Variants in CEP70 observed in about 807,000 individuals in gnomAD.
CEP70 encodes the protein centrosomal protein of 70 kDa.
A neutral mutation model predicts 90.9 loss-of-function variants in CEP70; 70 were observed. That is an observed-to-expected ratio of 0.77 (90% CI 0.64 to 0.94). The LOEUF is 0.94. Among genes scored for constraint, CEP70 ranks in the 40% least tolerant of loss-of-function variants. The pLI is 0.00. For synonymous variants in CEP70, 220 were observed against 228.3 expected, an observed-to-expected ratio of 0.96 and a Z score of 0.33; for missense variants, 648 against 669.0, an observed-to-expected ratio of 0.97 and a Z score of 0.35.
intron 2 of CEP70, among the ~76,000 whole-genome samples, chr3:138,585,061 C>T (rs1206863452): frequency 6.6e-6 from 1 of 151,888 alleles, no homozygotes; most frequent in Non-Finnish European, 1.5e-5. Context: ...AGCAGTTAGA[C>T]ATGAGAAAGG....
chr3:138,550,982 G>C, intron 6 of CEP70, among the ~76,000 whole-genome samples: 1 of 152,170 alleles, frequency 6.6e-6, no homozygotes. Flanking sequence ...CCCCAGCCTT[G>C]CTAAAGACCT....
chr3:138,549,825 CTTCCACCAGAGCAGGTGCTGGTAT>C (rs1391585086), intron 6 of CEP70, among the ~76,000 whole-genome samples: 3 of 152,176 alleles, frequency 2.0e-5, no homozygotes, highest in African/African-American at 7.2e-5. Context: ...TCCCATGCCA[CTTCCACCAGAGCAGGTGCTGGTAT>C]CCACTGCTGA....
Position 138,571,332 on chromosome 3 carries a change from T to C in CEP70, c.94A>G (p.Ile32Val), listed in dbSNP as rs759501015. The change falls in exon 4 of 18, where the codon ATA (isoleucine) becomes GTA (valine). Residue 32 changes from isoleucine (I) to valine (V), a missense_variant. By Grantham distance (29) the Ile-to-Val change is conservative (BLOSUM62 3). Transcript: ENST00000264982. Reference protein sequence around the residue: ...KQQEEAEWESINVLLMMHGLK... With the variant: ...KQQEEAEWESVNVLLMMHGLK... ...CCATGCATCATCAATAGCACATTTATGCTTTCCCATTCTGCTTCTTCCTGC... is the reference window on the plus strand; with the variant it reads ...CCATGCATCATCAATAGCACATTTACGCTTTCCCATTCTGCTTCTTCCTGC... The C allele has an allele frequency of 6.2e-7, 1 of 1,610,094 alleles. No individual in the cohort carries two copies.
At chr3:138,559,674 A>G (rs952279103) in intron 6 of CEP70, among the ~76,000 whole-genome samples, 3 of 152,202 alleles carry the variant, frequency 2.0e-5, no homozygotes, top group Non-Finnish European at 4.4e-5. Context: ...GCAGTGAGCC[A>G]AGCTTGTGCC....
At chr3:138,542,965 G>A (rs2107863617) in intron 6 of CEP70, among the ~76,000 whole-genome samples, 1 of 152,268 alleles carries the variant, frequency 6.6e-6, no homozygotes, top group South Asian at 2.1e-4. Context: ...CTGAGCCTTG[G>A]GTTTTTACGG....
intron 6 of CEP70, among the ~76,000 whole-genome samples, chr3:138,549,956 G>C (rs951005083): frequency 1.3e-5 from 2 of 152,064 alleles, no homozygotes; most frequent in African/African-American, 4.8e-5. Context: ...AGATCCAGAA[G>C]AGAAATAACA....
Position 138,500,278 on chromosome 3 carries a change from C to T in CEP70, c.1538-54G>A, listed in dbSNP as rs908102272. The T allele has an allele frequency of 3.9e-6, 6 of 1,520,476 alleles. No homozygotes were observed. In the Admixed American group the frequency reaches 7.1e-5, roughly 18 times the overall value. The allele number at this position is 1,520,476 out of a possible 1,614,324, so 94.2% of individuals were successfully genotyped here. A position where few individuals can be genotyped will look rare whatever the true frequency, so the allele number is the denominator to read the frequency against. On this transcript the variant is annotated intron_variant, in intron 15 of 17. Transcript: ENST00000264982. Reference sequence around the variant, plus strand: ...AACAGAGAATTTCCAAAATTACATACATCAAACATTTTATGCTTCAGTTAT... The same window carrying T: ...AACAGAGAATTTCCAAAATTACATATATCAAACATTTTATGCTTCAGTTAT...
At chr3:138,563,082 A>G (rs966697581) in intron 6 of CEP70, among the ~76,000 whole-genome samples, 1 of 152,140 alleles carries the variant, frequency 6.6e-6, no homozygotes, top group Non-Finnish European at 1.5e-5. Flanking sequence ...CAGACTTTAA[A>G]CCAACAAAGA....
At chr3:138,592,921 C>A (rs1020990380) in intron 1 of CEP70, 1 of 152,144 alleles carries the variant, frequency 6.6e-6, no homozygotes, top group African/African-American at 2.4e-5. Flanking sequence ...AATGCAAAAG[C>A]TCTATTCTAA....
In CEP70 at chr3:138,508,435, A is replaced by G. The variant is rs996756071; in HGVS notation, c.1050+4T>C. 9.6e-6 allele frequency: 15 copies of G among 1,566,008 alleles called. No individual in the cohort carries two copies. Among genetic ancestry groups the G allele is most frequent in the Non-Finnish European group, 1.3e-5 (15 of 1,136,504 alleles). On this transcript the variant is annotated splice_donor_region_variant and intron_variant, in intron 12 of 17. Transcript: ENST00000264982. ...CTTTTTGTCATGAAAAATCAATTCA[A>G]TACCTGAAAGTATCTCTGGTCAATT...
intron 6 of CEP70, among the ~76,000 whole-genome samples, chr3:138,545,812 C>A (rs1013441253): frequency 6.6e-6 from 1 of 152,144 alleles, no homozygotes; most frequent in African/African-American, 2.4e-5. Flanking sequence ...TGGTCTCCTG[C>A]AGTACCCTCA....
intron 11 of CEP70, among the ~76,000 whole-genome samples, chr3:138,523,064 T>A (rs2036834043): frequency 6.6e-6 from 1 of 152,080 alleles, no homozygotes; most frequent in Non-Finnish European, 1.5e-5. Flanking sequence ...GCAAGGCTGG[T>A]TCAACATACA....
chr3:138,509,170 C>T (rs1049336907), intron 11 of CEP70, among the ~76,000 whole-genome samples: 1 of 152,292 alleles, frequency 6.6e-6, no homozygotes, highest in Admixed American at 6.5e-5. Context: ...CCAGCACCCA[C>T]AAAAGACAGC....
At chr3:138,500,352 T>C in intron 15 of CEP70, 47 bp downstream of exon 15, 3 of 1,536,186 alleles carry the variant, frequency 2.0e-6, no homozygotes, top group Non-Finnish European at 2.6e-6. Context: ...TGTTAATTTA[T>C]TAAAAATTCT....
intron 6 of CEP70, among the ~76,000 whole-genome samples, chr3:138,566,398 C>A (rs2040792772): frequency 2.0e-5 from 3 of 152,164 alleles, no homozygotes; most frequent in African/African-American, 7.2e-5. Flanking sequence ...CAGCACTATT[C>A]ATGACAGCAA....
chr3:138,585,237 C>T (rs1389813250), intron 2 of CEP70, among the ~76,000 whole-genome samples: 2 of 152,104 alleles, frequency 1.3e-5, no homozygotes, highest in African/African-American at 4.8e-5. Flanking sequence ...AGTAGCATTT[C>T]TATAAACCAA....
At chr3:138,583,686 A>G (rs1174370836) in intron 2 of CEP70, among the ~76,000 whole-genome samples, 2 of 147,112 alleles carry the variant, frequency 1.4e-5, no homozygotes, top group African/African-American at 2.7e-5. Context: ...ATGAAAATTA[A>G]TCAATAGGCT....
chr3:138,544,437 A>G (rs2039022800), intron 6 of CEP70, among the ~76,000 whole-genome samples: 1 of 152,090 alleles, frequency 6.6e-6, no homozygotes, highest in Non-Finnish European at 1.5e-5. Context: ...AACTAGTACA[A>G]CTACTATGGA....
intron 13 of CEP70, among the ~76,000 whole-genome samples, chr3:138,504,161 T>C (rs1282192897): frequency 6.6e-6 from 1 of 152,178 alleles, no homozygotes; most frequent in African/African-American, 2.4e-5. Flanking sequence ...GGAAATACCA[T>C]GATTTACACT....
Sources: gnomAD v4.1 joint callset for allele counts (sites outside exome capture counted in the v4.1 genomes callset) on GRCh38, gnomAD v4.1.1 for gene constraint, MANE v1.5 for transcripts, NCBI Gene and HGNC (gene_info 2026-07-23, HGNC 2026-07-21) for gene names.